CIB1: variants seen among roughly 807,000 people sequenced by gnomAD.
The protein encoded by CIB1 is calcium and integrin binding 1.
A neutral mutation model predicts 25.0 loss-of-function variants in CIB1; 19 were observed. That is an observed-to-expected ratio of 0.76 (90% confidence interval 0.53 to 1.12). The LOEUF is 1.12. Ranked by LOEUF, CIB1 falls within the 50% of genes most tolerant of loss-of-function variation. CIB1 has a pLI of 0.00. For missense variants in CIB1, 236 were observed against 242.6 expected (o/e 0.97, Z 0.18); for synonymous variants, 104 against 98.5 (o/e 1.06, Z -0.33).
At chr15:90,239,892 T>C in the CIB1 span, among the ~76,000 whole-genome samples, 1 of 152,170 alleles carries the variant, frequency 6.6e-6, no homozygotes, top group African/African-American at 2.4e-5. Flanking sequence ...ACCACTGCAC[T>C]CCTGCCTGGG....
In CIB1 at chr15:90,231,218, A is replaced by C. The variant is rs201909717; in HGVS notation, c.347-5T>G. The stretch of plus-strand genomic sequence containing the variant: ...AGGTTCCGTCATCATCAAAGTCTAG[A>C]GAGCAGACACAGGAAGCCAAAAGAC... On this transcript the variant is annotated splice_polypyrimidine_tract_variant and splice_region_variant and intron_variant, in intron 4 of 6. Coordinates refer to ENST00000328649, the MANE Select transcript of CIB1 (RefSeq NM_006384.4). 3 of 403,808 alleles carry C rather than the reference A, an allele frequency of 7.4e-6. No homozygotes were observed. In the South Asian group the frequency reaches 2.5e-4, roughly 34 times the overall value. The allele number at this position is 403,808 out of a possible 1,614,324, so 25.0% of individuals were successfully genotyped here. A position where few individuals can be genotyped will look rare whatever the true frequency, so the allele number is the denominator to read the frequency against.
the CIB1 span, chr15:90,255,736 C>A: frequency 4.3e-6 from 7 of 1,614,132 alleles, no homozygotes; most frequent in Non-Finnish European, 5.9e-6. Context: ...GGGGCTCATA[C>A]TAACTGGCTG....
At chr15:90,232,197 C>G in intron 3 of CIB1, 22 bp downstream of exon 3, 1 of 1,588,120 alleles carries the variant, frequency 6.3e-7, no homozygotes, top group Non-Finnish European at 8.6e-7. Flanking sequence ...GGAGAGGTGT[C>G]AAAGGAGGGG....
At chr15:90,238,914 C>T (rs1167355722), upstream of CIB1, among the ~76,000 whole-genome samples, 1 of 152,104 alleles carries the variant, frequency 6.6e-6, no homozygotes, top group Non-Finnish European at 1.5e-5. Context: ...CATAGCAAGG[C>T]TCTGTCTCTA....
the CIB1 span, chr15:90,242,796 A>T: frequency 6.6e-6 from 1 of 152,254 alleles, no homozygotes; most frequent in Non-Finnish European, 1.5e-5. Flanking sequence ...AGCACTGTCC[A>T]TCATAGTCCT....
chr15:90,259,805 C>T, the CIB1 span, among the ~76,000 whole-genome samples: 2 of 152,230 alleles, frequency 1.3e-5, no homozygotes, highest in Non-Finnish European at 2.9e-5. Flanking sequence ...CCGTGTTGGT[C>T]ACCCATTGTT....
the CIB1 span, chr15:90,251,521 C>G: frequency 1.9e-6 from 3 of 1,604,588 alleles, no homozygotes; most frequent in East Asian, 2.2e-5. Context: ...TTCCCTCCCA[C>G]TCTTCCTGAT....
chr15:90,243,640 G>GTTTTTT, the CIB1 span: 4 of 99,406 alleles, frequency 4.0e-5, no homozygotes, highest in African/African-American at 1.5e-4. Context: ...CTTGGTGCAG[G>GTTTTTT]TTTTTTTTTT....
At chr15:90,242,431 CTTTTTTTTTTTTTTTTTT>C in the CIB1 span, 8 of 65,514 alleles carry the variant, frequency 1.2e-4, no homozygotes, top group Non-Finnish European at 2.1e-4. Context: ...TTTTCTGTTT[CTTTTTTTTTTTTTTTTTT>C]TTTTTTTTTT....
At chr15:90,248,670 G>A in the CIB1 span, among the ~76,000 whole-genome samples, 1 of 118,490 alleles carries the variant, frequency 8.4e-6, no homozygotes, top group African/African-American at 3.2e-5. Context: ...AGTGAGCTGC[G>A]ATCACACCAC....
At chr15:90,258,637 A>T in the CIB1 span, 1 of 970,950 alleles carries the variant, frequency 1.0e-6, no homozygotes, top group Non-Finnish European at 1.6e-6. Context: ...TCCCCGGCTG[A>T]GGCCATGGGA....
At chr15:90,241,233 C>T in the CIB1 span, 1 of 1,614,158 alleles carries the variant, frequency 6.2e-7, no homozygotes. Flanking sequence ...GAGGAGGCCC[C>T]CGCAGACCAT....
chr15:90,255,227 G>A, the CIB1 span, among the ~76,000 whole-genome samples: 1 of 152,130 alleles, frequency 6.6e-6, no homozygotes, highest in Non-Finnish European at 1.5e-5. Context: ...TTCTTTACTT[G>A]GTGGCATCCC....
chr15:90,265,297 T>C, the CIB1 span: 1 of 1,211,994 alleles, frequency 8.3e-7, no homozygotes, highest in Non-Finnish European at 1.0e-6. Context: ...CAGGAGACAA[T>C]GAGCCCCTTT....
At chr15:90,254,354 A>G in the CIB1 span, among the ~76,000 whole-genome samples, 28,310 of 151,038 alleles carry the variant, frequency 0.19, 3,277 homozygotes, top group East Asian at 0.59. Context: ...TTAACCAGGC[A>G]TGGTGGCGCA....
At chr15:90,263,073 G>A in the CIB1 span, 2 of 1,536,134 alleles carry the variant, frequency 1.3e-6, no homozygotes, top group Non-Finnish European at 8.7e-7. Context: ...TCCGAAGCCT[G>A]GGTATTGTAG....
At chr15:90,242,116 T>C in the CIB1 span, 1 of 1,437,852 alleles carries the variant, frequency 7.0e-7, no homozygotes, top group African/African-American at 1.4e-5. Context: ...TGAGATAGGG[T>C]CTCACTCTGT....
Position 90,230,493 on chromosome 15 carries a change from A to G in CIB1, c.567T>C (p.Ile189=). The change falls in exon 7 of 7, where the codon ATT becomes ATC. Residue 189 remains isoleucine, a synonymous_variant. Coordinates refer to ENST00000328649, the MANE Select transcript of CIB1 (RefSeq NM_006384.4). ...CACGCTGGGGCTGCTGTCACAGGACAATCTTAAAGGAGCTGAACAAGAGAA... is the reference window on the plus strand; with the variant it reads ...CACGCTGGGGCTGCTGTCACAGGACGATCTTAAAGGAGCTGAACAAGAGAA... ...RSPDFASSFK[I]VL 1 of 1,551,648 alleles carries G rather than the reference A, an allele frequency of 6.4e-7. No homozygotes were observed. The highest frequency in any genetic ancestry group is 8.7e-7 in the Non-Finnish European group (1 of 1,146,980).
chr15:90,261,057 C>T, the CIB1 span, among the ~76,000 whole-genome samples: 1 of 151,100 alleles, frequency 6.6e-6, no homozygotes, highest in Non-Finnish European at 1.5e-5. Context: ...CTGTAATGAA[C>T]GTATATTACC....
Sources: allele counts gnomAD v4.1 joint callset (sites outside exome capture counted in the v4.1 genomes callset), GRCh38; gene constraint gnomAD v4.1.1; transcripts MANE v1.5; gene names NCBI Gene and HGNC (gene_info 2026-07-23, HGNC 2026-07-21).